HMGA1: variants seen among roughly 807,000 people sequenced by gnomAD.
The protein encoded by HMGA1 is high mobility group protein HMG-I/HMG-Y.
Under a neutral mutation model 15.1 loss-of-function variants are expected in HMGA1, and 1 was observed. The ratio of observed to expected loss-of-function variants is 0.07; its 90% confidence interval spans 0.02 to 0.31. The LOEUF is 0.31. Among genes scored for constraint, HMGA1 ranks in the 10% least tolerant of loss-of-function variants. HMGA1 has a pLI of 1.00. For synonymous variants in HMGA1, 56 were observed against 54.8 expected, an observed-to-expected ratio of 1.02 and a Z score of -0.10; for missense variants, 94 against 141.4, an observed-to-expected ratio of 0.66 and a Z score of 1.70.
At chr6:34,237,028 TTATTG>T (rs1356155535) in intron 1 of HMGA1, 65 bp downstream of exon 1, 2 of 151,782 alleles carry the variant, frequency 1.3e-5, no homozygotes, top group Non-Finnish European at 2.9e-5. Context: ...AATTATTTAT[TTATTG>T]AGGCCGCGCA....
intron 2 of HMGA1, among the ~76,000 whole-genome samples, chr6:34,237,777 C>T (rs985858962): frequency 7.3e-5 from 11 of 151,608 alleles, no homozygotes; most frequent in African/African-American, 2.7e-4. Flanking sequence ...GGGCGCCCCC[C>T]GCAGCTCAGG....
At chr6:34,241,028 A>G in intron 3 of HMGA1, 113 bp downstream of exon 3, 1 of 1,250,958 alleles carries the variant, frequency 8.0e-7, no homozygotes, top group Non-Finnish European at 1.1e-6. Context: ...GATTCTGCGC[A>G]GTAAGCGTGT....
At position 34,245,101 on chromosome 6, in the gene HMGA1, C is replaced by T. The variant is rs2127548386; in HGVS notation, c.*217C>T. 6.6e-7 allele frequency: 1 copy of T among 1,516,754 alleles called. No homozygotes were observed. 94.0% of individuals were successfully genotyped at this position (1,516,754 alleles called of 1,614,324 possible). Reference sequence around the variant, plus strand: ...GGGCTGAGTGGGGAGCAGTTTTCCCCTGGCCTCAGTTCCCAGCTCCCCCCG... The same window carrying T: ...GGGCTGAGTGGGGAGCAGTTTTCCCTTGGCCTCAGTTCCCAGCTCCCCCCG... On this transcript the variant is annotated 3_prime_UTR_variant, in exon 6 of 6. Coordinates refer to ENST00000311487, the MANE Select transcript of HMGA1 (RefSeq NM_145899.3).
chr6:34,244,995 G>T lies in HMGA1; in HGVS notation c.*111G>T. On this transcript the variant is annotated 3_prime_UTR_variant, in exon 6 of 6. Transcript: ENST00000311487. ...CTTCCCCAGGCCCACCATCACCACC[G>T]CCTCTGGCCGCCACCCCCATCTTCC... 1 of 849,100 alleles carries T rather than the reference G, an allele frequency of 1.2e-6. No homozygotes were observed. Among genetic ancestry groups the T allele is most frequent in the Non-Finnish European group, 1.7e-6 (1 of 578,574 alleles). 52.6% of individuals were successfully genotyped at this position (849,100 alleles called of 1,614,324 possible). A position where few individuals can be genotyped will look rare whatever the true frequency, so the allele number is the denominator to read the frequency against.
chr6:34,240,325 C>T (rs1561871714), intron 2 of HMGA1, among the ~76,000 whole-genome samples: 2 of 152,172 alleles, frequency 1.3e-5, no homozygotes, highest in Non-Finnish European at 2.9e-5. Context: ...TGGATTTTCT[C>T]TTAAAGAGAA....
At chr6:34,240,991 C>T in intron 3 of HMGA1, 76 bp downstream of exon 3, 3 of 1,533,788 alleles carry the variant, frequency 2.0e-6, no homozygotes, top group African/African-American at 1.4e-5. Context: ...ATTCAGCAGG[C>T]GAGACCATGC....
chr6:34,243,283 G>A (rs1279996402), intron 4 of HMGA1, among the ~76,000 whole-genome samples, 185 bp from the exon 5 acceptor site: 1 of 152,176 alleles, frequency 6.6e-6, no homozygotes, highest in African/African-American at 2.4e-5. Context: ...TAGGGGGCGT[G>A]TGTGTATGTC....
In HMGA1 at chr6:34,245,402, G is replaced by T. The variant is rs553772855; in HGVS notation, c.*518G>T. ...CAGCAGCAGGTGTGGCCAATGGAGG[G>T]GGGTGCTGGCCCCCAGGATTCCCCC... is the stretch of plus-strand genomic sequence containing the variant. On this transcript the variant is annotated 3_prime_UTR_variant, in exon 6 of 6. Coordinates refer to ENST00000311487, the MANE Select transcript of HMGA1 (RefSeq NM_145899.3). The T allele has an allele frequency of 5.2e-5, 71 of 1,358,042 alleles. No individual in the cohort carries two copies. The highest frequency in any genetic ancestry group is 5.8e-5 in the Non-Finnish European group (60 of 1,031,732). The allele number at this position is 1,358,042 out of a possible 1,614,324, so 84.1% of individuals were successfully genotyped here. A position where few individuals can be genotyped will look rare whatever the true frequency, so the allele number is the denominator to read the frequency against.
Position 34,244,825 on chromosome 6 carries a change from T to C in HMGA1, c.271-6T>C. Reference sequence around the variant, plus strand: ...GAGCTCACACCAACAACTGCCCACCTCACAGGAGAAGGAGGAAGAGGAGGG... The same window carrying C: ...GAGCTCACACCAACAACTGCCCACCCCACAGGAGAAGGAGGAAGAGGAGGG... On this transcript the variant is annotated splice_region_variant and splice_polypyrimidine_tract_variant and intron_variant, in intron 5 of 5. Transcript: ENST00000311487. The C allele has an allele frequency of 6.4e-7, 1 of 1,570,716 alleles. No homozygotes were observed. Among genetic ancestry groups the C allele is most frequent in the Non-Finnish European group, 8.6e-7 (1 of 1,158,216 alleles).
chr6:34,238,425 C>CT (rs1419194366), intron 2 of HMGA1, among the ~76,000 whole-genome samples: 1 of 152,234 alleles, frequency 6.6e-6, no homozygotes, highest in East Asian at 1.9e-4. Flanking sequence ...CGGGAACCTA[C>CT]TTCTTCCTGC....
At chr6:34,243,242 A>C (rs1353355113) in intron 4 of HMGA1, among the ~76,000 whole-genome samples, 1 of 152,038 alleles carries the variant, frequency 6.6e-6, no homozygotes, top group Non-Finnish European at 1.5e-5. Context: ...GACACGACTC[A>C]TATCCTCTGA....
rs759200105 is a variant in HMGA1 at position 34,245,195 on chromosome 6, GC to G, written c.*312del. ...TCCCACTTAGCCGCACCCTGCACCTGCTGCGTCCCCACTCCCTTGGTGGTGG... is the reference window on the plus strand; with the variant it reads ...TCCCACTTAGCCGCACCCTGCACCTGTGCGTCCCCACTCCCTTGGTGGTGG... On this transcript the variant is annotated 3_prime_UTR_variant, in exon 6 of 6. Coordinates refer to ENST00000311487, the MANE Select transcript of HMGA1 (RefSeq NM_145899.3). 49 of 1,419,688 alleles carry G rather than the reference GC, an allele frequency of 3.5e-5. No homozygotes were observed. The highest frequency in any genetic ancestry group is 1.2e-5 in the Non-Finnish European group (13 of 1,072,430). 87.9% of individuals were successfully genotyped at this position (1,419,688 alleles called of 1,614,324 possible). A position where few individuals can be genotyped will look rare whatever the true frequency, so the allele number is the denominator to read the frequency against.
chr6:34,240,681 G>GTCTA, intron 2 of HMGA1, 56 bp from the exon 3 acceptor site: 1 of 1,361,682 alleles, frequency 7.3e-7, no homozygotes, highest in African/African-American at 1.4e-5. Flanking sequence ...GGTGATGAGG[G>GTCTA]GGTAGAAAGT....
Position 34,246,034 on chromosome 6 carries a change from C to T in HMGA1, c.*1150C>T. Reference sequence around the variant, plus strand: ...GGCTGGGTGACCGACTACCCCAGTCCCAGGGAAGGTGGGGCCCTGCCCCTA... The same window carrying T: ...GGCTGGGTGACCGACTACCCCAGTCTCAGGGAAGGTGGGGCCCTGCCCCTA... On this transcript the variant is annotated 3_prime_UTR_variant, in exon 6 of 6. Transcript: ENST00000311487. 2 of 260,338 alleles carry T rather than the reference C, an allele frequency of 7.7e-6. No individual in the cohort carries two copies. Among genetic ancestry groups the T allele is most frequent in the Non-Finnish European group, 1.5e-5 (2 of 134,968 alleles). The allele number at this position is 260,338 out of a possible 1,614,324, so 16.1% of individuals were successfully genotyped here.
intron 3 of HMGA1, among the ~76,000 whole-genome samples, chr6:34,241,994 G>A (rs1762349298): frequency 6.6e-6 from 1 of 152,152 alleles, no homozygotes; most frequent in Non-Finnish European, 1.5e-5. Flanking sequence ...GAGGTGTCAG[G>A]AGGGGTGCAG....
intron 2 of HMGA1, among the ~76,000 whole-genome samples, chr6:34,239,957 C>T (rs903134820): frequency 3.3e-5 from 5 of 151,942 alleles, no homozygotes; most frequent in African/African-American, 1.2e-4. Context: ...AATTCCCTAC[C>T]CATCTGACAA....
At chr6:34,239,907 G>T (rs1762158116) in intron 2 of HMGA1, among the ~76,000 whole-genome samples, 1 of 152,070 alleles carries the variant, frequency 6.6e-6, no homozygotes, top group South Asian at 2.1e-4. Context: ...AAAGGATGAG[G>T]GCCAGCCAGG....
intron 5 of HMGA1, among the ~76,000 whole-genome samples, chr6:34,244,306 C>A (rs1270425615): frequency 6.6e-6 from 1 of 152,098 alleles, no homozygotes; most frequent in Non-Finnish European, 1.5e-5. Flanking sequence ...AGTGAGTGAG[C>A]CCCGGCGGCA....
chr6:34,242,695 C>T lies in HMGA1; in HGVS notation c.136-17C>T, dbSNP rs745320459. 4 of 1,542,142 alleles carry T rather than the reference C, an allele frequency of 2.6e-6. No homozygotes were observed. The highest frequency in any genetic ancestry group is 3.5e-6 in the Non-Finnish European group (4 of 1,133,372). ...ACAGGTGATGACTGTCCCTGACTAC[C>T]CCCTCTGTCTTTACAGAAGGAGCCC... On this transcript the variant is annotated splice_polypyrimidine_tract_variant and intron_variant, in intron 3 of 5. Coordinates refer to ENST00000311487, the MANE Select transcript of HMGA1 (RefSeq NM_145899.3).
Sources: gnomAD v4.1 joint callset for allele counts (sites outside exome capture counted in the v4.1 genomes callset) on GRCh38, gnomAD v4.1.1 for gene constraint, MANE v1.5 for transcripts, NCBI Gene and HGNC (gene_info 2026-07-23, HGNC 2026-07-21) for gene names.